The following IGDCC4 variants were observed in gnomAD, a reference collection of about 807,000 sequenced individuals.
IGDCC4 encodes immunoglobulin superfamily DCC subclass member 4.
IGDCC4 carries 72 observed loss-of-function variants against 116.6 expected under a neutral mutation model. The observed-to-expected ratio is 0.62, with a 90% CI of 0.51 to 0.75. The LOEUF (loss-of-function observed/expected upper bound fraction) is 0.75. Ranked by LOEUF, IGDCC4 falls within the 30% of genes least tolerant of loss-of-function variation. The pLI is 0.00. For missense variants in IGDCC4, 1,501 were observed against 1,662.4 expected (o/e 0.90, Z 1.69); for synonymous variants, 709 against 719.9 (o/e 0.98, Z 0.24).
chr15:65,422,671 G>T, intron 1 of IGDCC4, 122 bp downstream of exon 1: 1 of 753,872 alleles, frequency 1.3e-6, no homozygotes, highest in Non-Finnish European at 1.8e-6. Flanking sequence ...GCACCTGGAC[G>T]CGCAGCCCCC....
Position 65,385,838 on chromosome 15 carries a change from T to C in IGDCC4, c.3173A>G (p.Lys1058Arg). Residue 1058 changes from lysine (K) to arginine (R), a missense_variant, in exon 18 of 20, where the codon AAA becomes AGA. This residue lies in a region of IGDCC4 where 368 missense variants were observed against 355.6 expected (regional missense o/e 1.03). Transcript: ENST00000352385. ...GGVSEGRSHS[K>R]RKISWAQPSG... is the part of the protein sequence containing the mutation. ...TGTGGGGCTCTGACTTACCTTTCTT[T>C]TGGAGTGACTCCGGCCTTCAGAAAC... is the stretch of plus-strand genomic sequence containing the variant. 4 of 1,612,180 alleles carry C rather than the reference T, an allele frequency of 2.5e-6. No homozygotes were observed. Among genetic ancestry groups the C allele is most frequent in the Non-Finnish European group, 3.4e-6 (4 of 1,179,644 alleles).
At chr15:65,386,787 G>C in intron 16 of IGDCC4, 131 bp from the exon 17 acceptor site, 1 of 671,872 alleles carries the variant, frequency 1.5e-6, no homozygotes, top group Non-Finnish European at 2.6e-6. Flanking sequence ...ACAATCTTCT[G>C]ATACAAGGAC....
chr15:65,401,781 T>C (rs1406828082), intron 4 of IGDCC4, among the ~76,000 whole-genome samples: 5 of 152,176 alleles, frequency 3.3e-5, no homozygotes, highest in Non-Finnish European at 7.4e-5. Context: ...CCCAGGGTCA[T>C]GCAGATGGTG....
Position 65,388,193 on chromosome 15 carries a change from G to A in IGDCC4, c.2845+256C>T, listed in dbSNP as rs375574078. Among the ~76,000 whole-genome samples the A allele has an allele frequency of 2.2e-3, 327 of 150,574 alleles. 1 individual carries two copies. The highest frequency in any genetic ancestry group is 7.6e-3 in the African/African-American group (311 of 41,020). On this transcript the variant is annotated intron_variant, in intron 16 of 19. Coordinates refer to ENST00000352385, the MANE Select transcript of IGDCC4 (RefSeq NM_020962.3). ...TGGGAGGCGGAGGTTGCAGTGAGCC[G>A]AGATTGCGCCATTGCACTCTAGCCT...
intron 3 of IGDCC4, among the ~76,000 whole-genome samples, chr15:65,408,838 C>CT (rs397702487): frequency 0.43 from 50,473 of 118,608 alleles, 12,099 homozygotes; most frequent in East Asian, 0.84. Context: ...ATGTCTCTCT[C>CT]TTTTTTTTTT....
intron 3 of IGDCC4, 39 bp from the exon 4 acceptor site, chr15:65,402,526 G>T (rs765480585): frequency 1.7e-5 from 26 of 1,552,964 alleles, no homozygotes; most frequent in Non-Finnish European, 2.2e-5. Flanking sequence ...AGGTGGGCAG[G>T]GGGGCCACAG....
At position 65,393,533 on chromosome 15, in the gene IGDCC4, T is replaced by C. The variant is rs1459913918; in HGVS notation, c.1715-2A>G. 3 of 1,589,902 alleles carry C rather than the reference T, an allele frequency of 1.9e-6. No homozygotes were observed. Among genetic ancestry groups the C allele is most frequent in the African/African-American group, 2.7e-5 (2 of 74,472 alleles). ...GCACCTCAGTAGAGAAAATCTGATC[T>C]GCAGGGACAGAAAAGGTGGGCTGCT... On this transcript the variant is annotated splice_acceptor_variant, in intron 9 of 19. Coordinates refer to ENST00000352385, the MANE Select transcript of IGDCC4 (RefSeq NM_020962.3). LOFTEE classifies it high-confidence loss of function. This position sits in a 1 kb window ranked among gnomAD's most constrained non-coding sequence, Gnocchi z 4.6.
intron 5 of IGDCC4, among the ~76,000 whole-genome samples, 153 bp downstream of exon 5, chr15:65,400,653 A>AC (rs2062975248): frequency 6.6e-6 from 1 of 152,064 alleles, no homozygotes; most frequent in African/African-American, 2.4e-5. Flanking sequence ...TCCGACCTTG[A>AC]CCACCACACC....
intron 5 of IGDCC4, 50 bp downstream of exon 5, chr15:65,400,756 G>A (rs2062976564): frequency 6.5e-7 from 1 of 1,547,668 alleles, no homozygotes; most frequent in East Asian, 2.3e-5. Flanking sequence ...CATGTGAGAT[G>A]CCACATCCCT....
intron 6 of IGDCC4, chr15:65,396,457 T>G (rs1387426637): frequency 3.7e-6 from 2 of 547,652 alleles, no homozygotes; most frequent in Non-Finnish European, 6.8e-6. Context: ...CACCCCTAAA[T>G]TTACCCATCT....
At chr15:65,422,715 C>T in intron 1 of IGDCC4, 78 bp downstream of exon 1, 1 of 1,156,182 alleles carries the variant, frequency 8.6e-7, no homozygotes, top group Non-Finnish European at 1.1e-6. Context: ...GAGCCAGCCC[C>T]GCAGCCCGAT....
At position 65,410,873 on chromosome 15, in the gene IGDCC4, G is replaced by T. The variant is rs1387495140; in HGVS notation, c.421+147C>A. On this transcript the variant is annotated intron_variant, in intron 2 of 19. Coordinates refer to ENST00000352385, the MANE Select transcript of IGDCC4 (RefSeq NM_020962.3). ...GAATGAGGATAGACAATACCAGGAA[G>T]AGACCTATTGAGCAGGATGGGAGGC... The T allele has an allele frequency of 8.0e-6, 5 of 624,278 alleles. No homozygotes were observed. In the Admixed American group the frequency reaches 1.5e-4, roughly 19 times the overall value. 38.7% of individuals were successfully genotyped at this position (624,278 alleles called of 1,614,324 possible). A position where few individuals can be genotyped will look rare whatever the true frequency, so the allele number is the denominator to read the frequency against.
Position 65,390,257 on chromosome 15 carries a change from C to A in IGDCC4, c.2306G>T (p.Arg769Leu), listed in dbSNP as rs753949820. The A allele has an allele frequency of 6.2e-7, 1 of 1,613,448 alleles. No homozygotes were observed. Among genetic ancestry groups the A allele is most frequent in the South Asian group, 1.1e-5 (1 of 91,018 alleles). Residue 769 changes from arginine to leucine, a missense_variant, in exon 13 of 20, where the codon CGG (arginine) becomes CTG (leucine). Physicochemically the swap from Arg to Leu is moderately radical, Grantham distance 102 (BLOSUM62 -2). Coordinates refer to ENST00000352385, the MANE Select transcript of IGDCC4 (RefSeq NM_020962.3). ...TGTGGTGAAATCTGGCTTTTTCCAC[C>A]GAAGCCAGATGGATGTGGAGCTGTT... ...ESNSSTSIWL[R>L]WKKPDFTTVK...
chr15:65,401,047 C>G lies in IGDCC4; in HGVS notation c.701-101G>C, dbSNP rs1156408061. On this transcript the variant is annotated intron_variant, in intron 4 of 19. Transcript: ENST00000352385. ...TAACCTGGTGAGGTGGTACCGGGGACAGCAGCAATGATTCCATCTGTCAGA... is the reference window on the plus strand; with the variant it reads ...TAACCTGGTGAGGTGGTACCGGGGAGAGCAGCAATGATTCCATCTGTCAGA... 4 of 1,473,462 alleles carry G rather than the reference C, an allele frequency of 2.7e-6. No homozygotes were observed. In the Admixed American group the frequency reaches 5.3e-5, roughly 19 times the overall value. The allele number at this position is 1,473,462 out of a possible 1,614,324, so 91.3% of individuals were successfully genotyped here.
At chr15:65,413,248 G>A (rs1042163451) in intron 1 of IGDCC4, among the ~76,000 whole-genome samples, 1 of 152,064 alleles carries the variant, frequency 6.6e-6, no homozygotes, top group African/African-American at 2.4e-5. Context: ...AGCATGAGAG[G>A]AGGCTCACAT....
At position 65,402,344 on chromosome 15, in the gene IGDCC4, C is replaced by A; in HGVS notation, c.700+7G>T. ...CCCAGGTTTCCCCACCCAGCCAGCC[C>A]CCTTACCTCTGTGGGCCACACTGAG... On this transcript the variant is annotated splice_region_variant and intron_variant, in intron 4 of 19. Coordinates refer to ENST00000352385, the MANE Select transcript of IGDCC4 (RefSeq NM_020962.3). The A allele has an allele frequency of 6.4e-7, 1 of 1,562,132 alleles. No homozygotes were observed.
chr15:65,387,207 T>C (rs1051283784), intron 16 of IGDCC4, among the ~76,000 whole-genome samples: 5 of 152,048 alleles, frequency 3.3e-5, no homozygotes, highest in Non-Finnish European at 7.4e-5. Flanking sequence ...TTAAATTTTT[T>C]GTGGAGACAG....
chr15:65,412,644 G>A (rs2063107555), intron 1 of IGDCC4, among the ~76,000 whole-genome samples: 1 of 151,816 alleles, frequency 6.6e-6, no homozygotes, highest in Non-Finnish European at 1.5e-5. Context: ...TGCCACTGGA[G>A]GCCAGGCATG....
In IGDCC4 at chr15:65,411,195, G is replaced by A. The variant is rs1350447508; in HGVS notation, c.246C>T (p.His82=). The A allele has an allele frequency of 9.3e-6, 15 of 1,614,216 alleles. No individual in the cohort carries two copies. The highest frequency in any genetic ancestry group is 1.7e-5 in the Admixed American group (1 of 60,024). The change falls in exon 2 of 20, where the codon CAC becomes CAT. Residue 82 remains histidine (H), a synonymous_variant. Coordinates refer to ENST00000352385, the MANE Select transcript of IGDCC4 (RefSeq NM_020962.3). ...CATTGGGCAGCAGGTGTAAGTGGTCGTGCTCCAGCAGGGTGTCCCCATCCT... is the reference window on the plus strand; with the variant it reads ...CATTGGGCAGCAGGTGTAAGTGGTCATGCTCCAGCAGGGTGTCCCCATCCT... ...WSKDGDTLLE[H]DHLHLLPNGS...
Sources: allele counts gnomAD v4.1 joint callset (sites outside exome capture counted in the v4.1 genomes callset), GRCh38; gene constraint gnomAD v4.1.1; regional missense constraint gnomAD v4.1.1; non-coding constraint Gnocchi (gnomAD v3.1); transcripts MANE v1.5; gene names NCBI Gene and HGNC (gene_info 2026-07-23, HGNC 2026-07-21).